The following CLSTN2 variants were observed in gnomAD, a reference collection of about 807,000 sequenced individuals.
The protein encoded by CLSTN2 is calsyntenin-2.
A neutral mutation model predicts 101.2 loss-of-function variants in CLSTN2; 48 were observed. That is an observed-to-expected ratio of 0.47 (90% CI 0.38 to 0.60). The LOEUF (loss-of-function observed/expected upper bound fraction) is 0.60, where lower values mean the gene tolerates loss of function less well. Ranked by LOEUF, CLSTN2 falls within the 20% of genes least tolerant of loss-of-function variation. CLSTN2 has a pLI of 0.00. For missense variants in CLSTN2, 1,160 were observed against 1,238.2 expected (o/e 0.94, Z 0.95); for synonymous variants, 481 against 463.6 (o/e 1.04, Z -0.48).
chr3:140,219,650 G>A (rs547674253), intron 2 of CLSTN2, among the ~76,000 whole-genome samples: 3 of 152,262 alleles, frequency 2.0e-5, no homozygotes, highest in East Asian at 1.9e-4. Flanking sequence ...CAGTGATTGC[G>A]CCCAGCCCTT....
At chr3:140,223,916 A>G (rs2086297124) in intron 2 of CLSTN2, among the ~76,000 whole-genome samples, 1 of 152,130 alleles carries the variant, frequency 6.6e-6, no homozygotes, top group African/African-American at 2.4e-5. Flanking sequence ...GTGATGCTGC[A>G]GTTCCCACAG....
intron 8 of CLSTN2, among the ~76,000 whole-genome samples, chr3:140,526,704 A>G (rs1162204292): frequency 6.6e-6 from 1 of 152,186 alleles, no homozygotes; most frequent in African/African-American, 2.4e-5. Context: ...GGCAACAGTA[A>G]CAAAAACAGC....
intron 1 of CLSTN2, among the ~76,000 whole-genome samples, chr3:139,963,161 C>A (rs528583984): frequency 6.6e-6 from 1 of 152,080 alleles, no homozygotes; most frequent in East Asian, 1.9e-4. Context: ...TTGGAGTGAC[C>A]AAAAGGGACA....
At chr3:140,119,428 G>T (rs1239337950) in intron 1 of CLSTN2, among the ~76,000 whole-genome samples, 1 of 152,222 alleles carries the variant, frequency 6.6e-6, no homozygotes, top group Non-Finnish European at 1.5e-5. Context: ...AAAACATGCA[G>T]CACATAGTAC....
chr3:140,307,215 T>C (rs1393960695), intron 2 of CLSTN2, among the ~76,000 whole-genome samples: 1 of 152,172 alleles, frequency 6.6e-6, no homozygotes, highest in African/African-American at 2.4e-5. Context: ...CTTTCTTTTG[T>C]AAATTGCCCA....
intron 2 of CLSTN2, among the ~76,000 whole-genome samples, chr3:140,341,164 C>T (rs1263306318): frequency 2.0e-5 from 3 of 151,990 alleles, no homozygotes; most frequent in Admixed American, 6.6e-5. Flanking sequence ...GTCCCTTTTT[C>T]CCCCAGTGAG....
intron 1 of CLSTN2, among the ~76,000 whole-genome samples, chr3:140,107,282 T>C (rs960434956): frequency 6.6e-6 from 1 of 152,174 alleles, no homozygotes; most frequent in Non-Finnish European, 1.5e-5. Flanking sequence ...TACCCACTTA[T>C]CAGATTCCTC....
chr3:140,466,869 C>T, intron 8 of CLSTN2, 138 bp downstream of exon 8: 1 of 1,101,946 alleles, frequency 9.1e-7, no homozygotes, highest in Non-Finnish European at 1.3e-6. Flanking sequence ...CTTAGGGAGA[C>T]ACACAGCATC....
At chr3:140,043,875 T>C (rs1054022175) in intron 1 of CLSTN2, among the ~76,000 whole-genome samples, 2 of 152,222 alleles carry the variant, frequency 1.3e-5, no homozygotes, top group African/African-American at 4.8e-5. Flanking sequence ...TTCTGTTCCA[T>C]TGGTCTATAT....
chr3:140,043,930 T>G (rs1459917431), intron 1 of CLSTN2, among the ~76,000 whole-genome samples: 2 of 152,232 alleles, frequency 1.3e-5, no homozygotes, highest in African/African-American at 4.8e-5. Context: ...TACTATAGCC[T>G]TGTAGTGTAG....
intron 9 of CLSTN2, 139 bp from the exon 10 acceptor site, chr3:140,546,376 T>C (rs2107786628): frequency 1.3e-6 from 1 of 771,298 alleles, no homozygotes. Context: ...CTGGCTACTG[T>C]GTTCATCACT....
intron 1 of CLSTN2, among the ~76,000 whole-genome samples, chr3:140,037,761 C>A (rs955106309): frequency 6.6e-6 from 1 of 152,126 alleles, no homozygotes; most frequent in African/African-American, 2.4e-5. Flanking sequence ...GAGTTCTCAT[C>A]ATTCAGCTCC....
chr3:140,143,119 T>C (rs986993400), intron 1 of CLSTN2, among the ~76,000 whole-genome samples: 2 of 152,196 alleles, frequency 1.3e-5, no homozygotes, highest in Non-Finnish European at 2.9e-5. Context: ...GTGCCTGGCA[T>C]ATAGAATAAA....
chr3:140,208,808 G>A (rs912913928), intron 2 of CLSTN2, among the ~76,000 whole-genome samples: 2 of 152,104 alleles, frequency 1.3e-5, no homozygotes, highest in Non-Finnish European at 2.9e-5. Flanking sequence ...AAGGCCGTGT[G>A]ACTTGTTCTC....
chr3:140,544,059 C>G (rs1454028038), intron 9 of CLSTN2, among the ~76,000 whole-genome samples: 1 of 152,206 alleles, frequency 6.6e-6, no homozygotes, highest in Non-Finnish European at 1.5e-5. Context: ...GGAAAGACAA[C>G]CACAGGGCCC....
intron 2 of CLSTN2, among the ~76,000 whole-genome samples, chr3:140,261,789 A>C: frequency 6.6e-6 from 1 of 152,194 alleles, no homozygotes; most frequent in East Asian, 1.9e-4. Context: ...CACATGGATC[A>C]TTGTAGCCAC....
At chr3:140,203,022 A>G (rs180848635) in intron 2 of CLSTN2, among the ~76,000 whole-genome samples, 277 of 152,316 alleles carry the variant, frequency 1.8e-3, no homozygotes, top group African/African-American at 5.9e-3. Context: ...CTTCAGTAAT[A>G]GTGGAACCCC....
intron 8 of CLSTN2, among the ~76,000 whole-genome samples, chr3:140,471,425 C>G (rs142747867): frequency 5.4e-4 from 82 of 152,206 alleles, no homozygotes; most frequent in African/African-American, 1.9e-3. Flanking sequence ...CGCACAGGTA[C>G]CCCCAGCTCA....
At chr3:140,068,983 G>A (rs1417897323) in intron 1 of CLSTN2, among the ~76,000 whole-genome samples, 2 of 152,136 alleles carry the variant, frequency 1.3e-5, no homozygotes, top group African/African-American at 2.4e-5. Context: ...AGGATTTTGG[G>A]GAGGAATTTT....
Sources: allele counts gnomAD v4.1 joint callset (sites outside exome capture counted in the v4.1 genomes callset), GRCh38; gene constraint gnomAD v4.1.1; transcripts MANE v1.5; gene names NCBI Gene and HGNC (gene_info 2026-07-23, HGNC 2026-07-21).